SLC7A14: variants seen among roughly 807,000 people sequenced by gnomAD.
SLC7A14 encodes the protein gamma-aminobutyric acid transporter SLC7A14.
Under a neutral mutation model 60.2 loss-of-function variants are expected in SLC7A14, and 37 were observed. The ratio of observed to expected loss-of-function variants is 0.61; its 90% CI spans 0.47 to 0.81. SLC7A14 has a LOEUF of 0.81. Among genes scored for constraint, SLC7A14 ranks in the 30% least tolerant of loss-of-function variants. The pLI is 0.00. For missense variants in SLC7A14, 886 were observed against 982.7 expected, an observed-to-expected ratio of 0.90 and a Z score of 1.32; for synonymous variants, 399 against 395.8, an observed-to-expected ratio of 1.01 and a Z score of -0.10.
At position 170,501,727 on chromosome 3, in the gene SLC7A14, C is replaced by G. The variant is rs559678041; in HGVS notation, c.305-382G>C. On this transcript the variant is annotated intron_variant, in intron 2 of 7. Transcript: ENST00000231706. ...GGGTTATATTATGCACAAACTTCTT[C>G]TCTTTCAGTTTTTACATATTATAGA... 1.4e-3 allele frequency among the ~76,000 whole-genome samples: 210 copies of G among 152,176 alleles called. 1 individual carries two copies. The highest frequency in any genetic ancestry group is 1.4e-3 in the Non-Finnish European group (96 of 68,034).
At chr3:170,483,612 G>A in intron 5 of SLC7A14, 90 bp from the exon 6 acceptor site, 1 of 1,392,768 alleles carries the variant, frequency 7.2e-7, no homozygotes, top group Non-Finnish European at 1.0e-6. Context: ...CCCTGCCCCT[G>A]GAGGCAGAGG....
Position 170,562,233 on chromosome 3 carries a change from A to G in SLC7A14, c.-153+23678T>C, listed in dbSNP as rs146688324. Among the ~76,000 whole-genome samples, 347 of 152,316 alleles carry G rather than the reference A, an allele frequency of 2.3e-3. 2 individuals are homozygous for G. Among genetic ancestry groups the G allele is most frequent in the African/African-American group, 7.9e-3 (329 of 41,580 alleles). On this transcript the variant is annotated intron_variant, in intron 1 of 7. Transcript: ENST00000231706. The stretch of plus-strand genomic sequence containing the variant: ...CAGTTCGCCAATTGCAAAAATTTGG[A>G]ACCAGCCCAAATACCCATCAATCAA...
intron 1 of SLC7A14, among the ~76,000 whole-genome samples, chr3:170,568,018 T>C (rs1714842335): frequency 6.6e-6 from 1 of 152,186 alleles, no homozygotes; most frequent in South Asian, 2.1e-4. Context: ...TTTAATTAGA[T>C]CCCACTTGTC....
chr3:170,471,248 C>T (rs921382810), intron 7 of SLC7A14, among the ~76,000 whole-genome samples: 53 of 152,248 alleles, frequency 3.5e-4, no homozygotes, highest in African/African-American at 1.2e-3. Context: ...CTCCCCATGC[C>T]CTAATCCAGG....
chr3:170,550,417 A>G (rs759970491), intron 1 of SLC7A14, among the ~76,000 whole-genome samples: 36 of 152,088 alleles, frequency 2.4e-4, no homozygotes, highest in Middle Eastern at 3.4e-3. Context: ...GGTGATTCAA[A>G]TACTACTGCA....
At chr3:170,509,879 G>T (rs1404708824) in intron 2 of SLC7A14, among the ~76,000 whole-genome samples, 4 of 151,962 alleles carry the variant, frequency 2.6e-5, no homozygotes, top group African/African-American at 9.7e-5. Context: ...GGGAGTTCGA[G>T]ACCAGCCTGA....
intron 1 of SLC7A14, among the ~76,000 whole-genome samples, chr3:170,563,154 C>T (rs1714699270): frequency 6.6e-6 from 1 of 152,124 alleles, no homozygotes; most frequent in African/African-American, 2.4e-5. Context: ...TTAGGTGAAG[C>T]TTCTTTTTGG....
chr3:170,552,103 A>G (rs1328777053), intron 1 of SLC7A14, among the ~76,000 whole-genome samples: 1 of 152,084 alleles, frequency 6.6e-6, no homozygotes, highest in East Asian at 1.9e-4. Context: ...AACTGAGGTA[A>G]GGGTCCACCT....
intron 1 of SLC7A14, among the ~76,000 whole-genome samples, chr3:170,579,356 A>G (rs543334585): frequency 3.5e-4 from 53 of 152,330 alleles, no homozygotes; most frequent in African/African-American, 1.1e-3. Context: ...ATTTCTGAAG[A>G]CCATTTTGTC....
Position 170,538,797 on chromosome 3 carries a change from T to A in SLC7A14, c.-152-11709A>T, listed in dbSNP as rs541657679. 2.6e-5 allele frequency among the ~76,000 whole-genome samples: 4 copies of A among 152,346 alleles called. No individual in the cohort carries two copies. In the South Asian group the frequency reaches 8.3e-4, roughly 32 times the overall value. On this transcript the variant is annotated intron_variant, in intron 1 of 7. Transcript: ENST00000231706. ...AGAAGTGAGTGACCATCCAATGTGA[T>A]ACAAGGAAGTCTCCCCACTGACCAT... is the stretch of plus-strand genomic sequence containing the variant.
chr3:170,487,678 C>T (rs536206201), intron 4 of SLC7A14, among the ~76,000 whole-genome samples: 1 of 152,298 alleles, frequency 6.6e-6, no homozygotes, highest in Admixed American at 6.5e-5. Flanking sequence ...GCAAACTTTG[C>T]TCATCTGTAA....
intron 1 of SLC7A14, among the ~76,000 whole-genome samples, chr3:170,567,424 T>G (rs2108313341): frequency 6.6e-6 from 1 of 151,200 alleles, no homozygotes; most frequent in East Asian, 1.9e-4. Context: ...GACATTTGGG[T>G]TGGTTCCAAG....
At chr3:170,480,251 A>C (rs1481720507) in intron 7 of SLC7A14, 38 bp downstream of exon 7, 1 of 1,510,712 alleles carries the variant, frequency 6.6e-7, no homozygotes, top group South Asian at 1.4e-5. Flanking sequence ...TTAAGACCTT[A>C]AAAGGGAACT....
intron 3 of SLC7A14, among the ~76,000 whole-genome samples, chr3:170,500,304 G>C (rs746012241): frequency 1.3e-5 from 2 of 151,924 alleles, no homozygotes; most frequent in South Asian, 2.1e-4. Context: ...AGCTGAGTGT[G>C]GTAGCTGAGT....
chr3:170,533,622 A>C lies in SLC7A14; in HGVS notation c.-152-6534T>G, dbSNP rs1713743847. ...ACTTTTGGACCATGACAGAGTGGTA[A>C]GGGAGATGTTTTTGATCCATCTGGC... On this transcript the variant is annotated intron_variant, in intron 1 of 7. Transcript: ENST00000231706. Among the ~76,000 whole-genome samples, 3 of 151,672 alleles carry C rather than the reference A, an allele frequency of 2.0e-5. No homozygotes were observed. In the South Asian group the frequency reaches 6.2e-4, roughly 32 times the overall value.
intron 1 of SLC7A14, among the ~76,000 whole-genome samples, chr3:170,562,702 C>T (rs1393044985): frequency 1.3e-5 from 2 of 152,064 alleles, no homozygotes; most frequent in Non-Finnish European, 2.9e-5. Context: ...TGAGATTTCC[C>T]AATGCTCTGT....
chr3:170,563,417 G>GTTTTTT (rs67991294), intron 1 of SLC7A14, among the ~76,000 whole-genome samples: 2 of 111,906 alleles, frequency 1.8e-5, no homozygotes, highest in African/African-American at 3.1e-5. Context: ...TTGTTTGTTT[G>GTTTTTT]TTTTTTTTTT....
rs187063220 is a variant in SLC7A14, at chr3:170,540,354, G to A, written c.-152-13266C>T. ...CTTATCAATGTAGAAGTTCCATGTA[G>A]CTCCTTGGAGCCTCAGTCTTTTACC... is the stretch of plus-strand genomic sequence containing the variant. On this transcript the variant is annotated intron_variant, in intron 1 of 7. Coordinates refer to ENST00000231706, the MANE Select transcript of SLC7A14 (RefSeq NM_020949.3). 3.9e-5 allele frequency among the ~76,000 whole-genome samples: 6 copies of A among 152,210 alleles called. No individual in the cohort carries two copies. The East Asian group carries it at 9.6e-4, about 24-fold the overall frequency.
At chr3:170,541,117 G>C (rs1714004937) in intron 1 of SLC7A14, among the ~76,000 whole-genome samples, 1 of 152,176 alleles carries the variant, frequency 6.6e-6, no homozygotes. Context: ...TTTTTGGAAA[G>C]TAACTACATC....
Sources: gnomAD v4.1 joint callset for allele counts (sites outside exome capture counted in the v4.1 genomes callset) on GRCh38, gnomAD v4.1.1 for gene constraint, MANE v1.5 for transcripts, NCBI Gene and HGNC (gene_info 2026-07-23, HGNC 2026-07-21) for gene names.